Variants in ERBIN observed in about 807,000 individuals in gnomAD.
ERBIN encodes the protein densin-180-like protein.
Under a neutral mutation model 158.4 loss-of-function variants are expected in ERBIN, and 60 were observed. The ratio of observed to expected loss-of-function variants is 0.38; its 90% CI spans 0.31 to 0.47. ERBIN has a LOEUF of 0.47. ERBIN is among the 20% of genes least tolerant of loss of function. ERBIN has a pLI of 0.99. For synonymous variants in ERBIN, 594 were observed against 557.2 expected (o/e 1.07, Z -0.93); for missense variants, 1,610 against 1,648.0 (o/e 0.98, Z 0.40).
intron 1 of ERBIN, among the ~76,000 whole-genome samples, chr5:65,936,136 G>C (rs1011943012): frequency 2.0e-5 from 3 of 152,114 alleles, no homozygotes; most frequent in African/African-American, 7.2e-5. Context: ...GACTCTTTGT[G>C]GGAGCATGGA....
At position 66,054,374 on chromosome 5, in the gene ERBIN, A is replaced by C; in HGVS notation, c.3056A>C (p.Gln1019Pro). The part of the protein sequence containing the change: ...LLPRSESTEN[Q>P]SYAKHSANMN... ...CCTAGATCAGAGAGCACAGAAAATCAAAGTTATGCTAAACATTCTGCCAAT... is the reference window on the plus strand; with the variant it reads ...CCTAGATCAGAGAGCACAGAAAATCCAAGTTATGCTAAACATTCTGCCAAT... Residue 1019 changes from glutamine to proline, a missense_variant, in exon 21 of 26, where the codon CAA (glutamine) becomes CCA (proline). Coordinates refer to ENST00000284037, the MANE Select transcript of ERBIN (RefSeq NM_001253697.2). 1 of 1,614,200 alleles carries C rather than the reference A, an allele frequency of 6.2e-7. No homozygotes were observed. The highest frequency in any genetic ancestry group is 8.5e-7 in the Non-Finnish European group (1 of 1,180,022).
chr5:66,029,746 A>G lies in ERBIN; in HGVS notation c.1206+1403A>G, dbSNP rs529088773. On this transcript the variant is annotated intron_variant, in intron 14 of 25. Transcript: ENST00000284037. ...CAGCCTCCCGAGTAGCTGGGACTAC[A>G]GGCATGTGCCGCCACTCCCAGCTAA... Among the ~76,000 whole-genome samples, 20 of 152,202 alleles carry G rather than the reference A, an allele frequency of 1.3e-4. No individual in the cohort carries two copies. In the East Asian group the frequency reaches 3.7e-3, roughly 28 times the overall value.
At chr5:65,960,955 A>G (rs559418389) in intron 1 of ERBIN, among the ~76,000 whole-genome samples, 2 of 152,300 alleles carry the variant, frequency 1.3e-5, no homozygotes, top group African/African-American at 4.8e-5. Context: ...TTGACAACGA[A>G]AATGTTATCA....
At chr5:66,046,875 A>AT (rs1758499576) in intron 18 of ERBIN, among the ~76,000 whole-genome samples, 1 of 152,194 alleles carries the variant, frequency 6.6e-6, no homozygotes, top group Non-Finnish European at 1.5e-5. Context: ...AAAGTGAAAG[A>AT]TTTTTTGGTT....
intron 20 of ERBIN, 51 bp from the exon 21 acceptor site, chr5:66,053,355 C>G (rs754284656): frequency 7.9e-6 from 9 of 1,141,836 alleles, no homozygotes; most frequent in Non-Finnish European, 1.1e-5. Context: ...TTCCCTGTTA[C>G]TAAGAAAACT....
At chr5:65,946,788 T>C (rs1745811663) in intron 1 of ERBIN, among the ~76,000 whole-genome samples, 1 of 119,346 alleles carries the variant, frequency 8.4e-6, no homozygotes, top group Admixed American at 7.8e-5. Context: ...TGGTTGTTAC[T>C]TTTTTTTTTT....
At chr5:66,077,384 A>G (rs1444721669) in intron 25 of ERBIN, among the ~76,000 whole-genome samples, 1 of 152,024 alleles carries the variant, frequency 6.6e-6, no homozygotes, top group Non-Finnish European at 1.5e-5. Flanking sequence ...TCTTAGAAGG[A>G]AGACAAACCT....
At chr5:66,067,341 T>C (rs919218320) in intron 21 of ERBIN, among the ~76,000 whole-genome samples, 4 of 152,222 alleles carry the variant, frequency 2.6e-5, no homozygotes, top group Admixed American at 6.5e-5. Flanking sequence ...GGAATGTATT[T>C]GCTAAGAGTA....
intron 1 of ERBIN, among the ~76,000 whole-genome samples, chr5:65,928,551 TAAAA>T (rs1310937884): frequency 6.6e-6 from 1 of 152,196 alleles, no homozygotes; most frequent in Admixed American, 6.5e-5. Context: ...AAATTTTGTA[TAAAA>T]AAAGTATTGT....
At chr5:65,950,405 G>A (rs946139691) in intron 1 of ERBIN, among the ~76,000 whole-genome samples, 4 of 151,910 alleles carry the variant, frequency 2.6e-5, no homozygotes, top group Admixed American at 6.5e-5. Context: ...TCTAAGTTTG[G>A]GTTTTTCTGA....
At chr5:65,936,586 C>G (rs1199019596) in intron 1 of ERBIN, among the ~76,000 whole-genome samples, 1 of 152,168 alleles carries the variant, frequency 6.6e-6, no homozygotes, top group African/African-American at 2.4e-5. Context: ...TCTTTATTTT[C>G]CTGACCTTAG....
intron 1 of ERBIN, among the ~76,000 whole-genome samples, chr5:65,930,931 A>G (rs1743290397): frequency 6.6e-6 from 1 of 152,206 alleles, no homozygotes; most frequent in Non-Finnish European, 1.5e-5. Context: ...TATTTTTGTC[A>G]CTTCAAATTT....
intron 10 of ERBIN, 136 bp downstream of exon 10, chr5:66,024,586 T>A: frequency 1.3e-6 from 1 of 799,008 alleles, no homozygotes; most frequent in Non-Finnish European, 1.9e-6. Context: ...TTTTTCCTGG[T>A]GTGATCAGTT....
intron 22 of ERBIN, among the ~76,000 whole-genome samples, chr5:66,073,701 G>T (rs1396541819): frequency 6.6e-6 from 1 of 151,896 alleles, no homozygotes; most frequent in African/African-American, 2.4e-5. Flanking sequence ...TTTCTATTTG[G>T]GTTAATTTAG....
chr5:66,073,352 A>C (rs16894851), intron 22 of ERBIN, among the ~76,000 whole-genome samples: 2,668 of 152,320 alleles, frequency 0.018, 82 homozygotes, highest in African/African-American at 0.061. Context: ...TTAATTACTC[A>C]TGGGCAAATC....
At chr5:66,002,486 G>A (rs1343585011) in intron 4 of ERBIN, among the ~76,000 whole-genome samples, 2 of 152,076 alleles carry the variant, frequency 1.3e-5, no homozygotes, top group South Asian at 2.1e-4. Flanking sequence ...AAGAAAAACC[G>A]TGTAGCTATT....
intron 19 of ERBIN, among the ~76,000 whole-genome samples, chr5:66,049,467 A>G (rs939394461): frequency 8.5e-5 from 13 of 152,074 alleles, no homozygotes; most frequent in Non-Finnish European, 1.6e-4. Context: ...TTGAGCACTA[A>G]TTGCTTAGGT....
intron 1 of ERBIN, among the ~76,000 whole-genome samples, chr5:65,987,387 C>CACACACACACACAA (rs1285042673): frequency 6.6e-6 from 1 of 151,480 alleles, no homozygotes; most frequent in Non-Finnish European, 1.5e-5. Flanking sequence ...CACACACACA[C>CACACACACACACAA]ACACACACGA....
intron 1 of ERBIN, among the ~76,000 whole-genome samples, chr5:65,973,688 T>C (rs907987565): frequency 2.0e-5 from 3 of 151,304 alleles, no homozygotes; most frequent in Non-Finnish European, 4.4e-5. Context: ...AATTAGTGTC[T>C]TGAATTGGGT....
Sources: allele counts gnomAD v4.1 joint callset (sites outside exome capture counted in the v4.1 genomes callset), GRCh38; gene constraint gnomAD v4.1.1; transcripts MANE v1.5; gene names NCBI Gene and HGNC (gene_info 2026-07-23, HGNC 2026-07-21).